NKIRAS1: variants seen among roughly 807,000 people sequenced by gnomAD.
NKIRAS1 encodes the protein NF-kappa-B inhibitor-interacting Ras-like protein 1.
A neutral mutation model predicts 19.8 loss-of-function variants in NKIRAS1; 16 were observed. The observed-to-expected ratio is 0.81, with a 90% CI of 0.55 to 1.23. The LOEUF is 1.23. Ranked by LOEUF, NKIRAS1 falls within the 50% of genes most tolerant of loss-of-function variation. The pLI, the probability that NKIRAS1 is intolerant of heterozygous loss-of-function variation, is 0.00. For missense variants in NKIRAS1, 184 were observed against 220.0 expected (o/e 0.84, Z 1.04); for synonymous variants, 88 against 79.0 (o/e 1.11, Z -0.61).
intron 1 of NKIRAS1, among the ~76,000 whole-genome samples, chr3:23,933,373 A>C (rs181211158): frequency 6.6e-6 from 1 of 152,308 alleles, no homozygotes; most frequent in East Asian, 1.9e-4. Flanking sequence ...TTTGTCCCCC[A>C]GGGACATTTG....
At chr3:23,904,717 T>C (rs1702850458) in intron 3 of NKIRAS1, among the ~76,000 whole-genome samples, 1 of 152,106 alleles carries the variant, frequency 6.6e-6, no homozygotes, top group African/African-American at 2.4e-5. Flanking sequence ...TTCTCAAAAG[T>C]AGCACTAGAA....
At chr3:23,913,307 C>G (rs983759458) in intron 1 of NKIRAS1, among the ~76,000 whole-genome samples, 6 of 152,154 alleles carry the variant, frequency 3.9e-5, no homozygotes, top group Admixed American at 3.9e-4. Flanking sequence ...GAATTTTAAG[C>G]ATTTTTTGGA....
At chr3:23,914,363 C>G (rs770584067) in intron 1 of NKIRAS1, among the ~76,000 whole-genome samples, 7 of 152,076 alleles carry the variant, frequency 4.6e-5, no homozygotes, top group Non-Finnish European at 8.8e-5. Flanking sequence ...AAAAACAATA[C>G]CAAAACACTG....
In NKIRAS1 at chr3:23,890,416, T is replaced by C; in HGVS notation, c.*2679A>G. 1 of 1,175,450 alleles carries C rather than the reference T, an allele frequency of 8.5e-7. No homozygotes were observed. Among genetic ancestry groups the C allele is most frequent in the Non-Finnish European group, 1.2e-6 (1 of 831,640 alleles). 72.8% of individuals were successfully genotyped at this position (1,175,450 alleles called of 1,614,324 possible). A position where few individuals can be genotyped will look rare whatever the true frequency, so the allele number is the denominator to read the frequency against. On this transcript the variant is annotated 3_prime_UTR_variant, in exon 5 of 5. Transcript: ENST00000425478. ...GAAGATGGGTTTGATCACACATACT[T>C]TGTCGTACGTATCTACCCAAGCTGT...
chr3:23,897,639 C>T lies in NKIRAS1; in HGVS notation c.336+3169G>A, dbSNP rs79068590. Among the ~76,000 whole-genome samples, 59 of 152,286 alleles carry T rather than the reference C, an allele frequency of 3.9e-4. 1 individual carries two copies. In the East Asian group the frequency reaches 0.011, roughly 28 times the overall value. On this transcript the variant is annotated intron_variant, in intron 4 of 4. Coordinates refer to ENST00000425478, the MANE Select transcript of NKIRAS1 (RefSeq NM_020345.4). The stretch of plus-strand genomic sequence containing the variant: ...CAAGCAAATTCCGACCTCAGATCCT[C>T]GGTACTAGCTATTCCCTCCACCTGG...
At chr3:23,918,669 C>A, upstream of NKIRAS1, 2 of 1,416,062 alleles carry the variant, frequency 1.4e-6, no homozygotes, top group Non-Finnish European at 9.6e-7. Flanking sequence ...CTTAGGTGAG[C>A]TGTCTCGTAT....
upstream of NKIRAS1, chr3:23,919,910 G>GTGT (rs1480212193): frequency 1.0e-6 from 1 of 991,408 alleles, no homozygotes; most frequent in African/African-American, 1.7e-5. Context: ...AGTTTGGCAG[G>GTGT]TGTAGACTTT....
chr3:23,890,688 G>C lies in NKIRAS1; in HGVS notation c.*2407C>G. On this transcript the variant is annotated 3_prime_UTR_variant, in exon 5 of 5. Coordinates refer to ENST00000425478, the MANE Select transcript of NKIRAS1 (RefSeq NM_020345.4). ...ATTTTGAAGGGGTCAGGGAGGGTGG[G>C]AGTTGGTAAAGAGTAGGGTATTTCT... is the stretch of plus-strand genomic sequence containing the variant. 1 of 1,089,208 alleles carries C rather than the reference G, an allele frequency of 9.2e-7. No homozygotes were observed. The highest frequency in any genetic ancestry group is 1.3e-6 in the Non-Finnish European group (1 of 755,536). The allele number at this position is 1,089,208 out of a possible 1,614,324, so 67.5% of individuals were successfully genotyped here. A position where few individuals can be genotyped will look rare whatever the true frequency, so the allele number is the denominator to read the frequency against.
intron 3 of NKIRAS1, among the ~76,000 whole-genome samples, chr3:23,907,356 G>C (rs1391159007): frequency 6.6e-6 from 1 of 152,030 alleles, no homozygotes; most frequent in Non-Finnish European, 1.5e-5. Flanking sequence ...AAGTTTCTGG[G>C]GGGACAAAAA....
chr3:23,893,116 C>T lies in NKIRAS1; in HGVS notation c.558G>A (p.Gly186=), dbSNP rs140262971. 32 of 1,572,222 alleles carry T rather than the reference C, an allele frequency of 2.0e-5. No individual in the cohort carries two copies. The East Asian group carries it at 3.2e-4, about 16-fold the overall frequency. The stretch of plus-strand genomic sequence containing the variant: ...ATTTTTAGTTCTCAGAATTAGAGTT[C>T]CCTTTGTTTTTCCTCCCAGGCAAAG... The part of the protein sequence containing the change: ...SFPLPGRKNK[G]NSNSEN The change falls in exon 5 of 5, where the codon GGG becomes GGA. Residue 186 remains glycine (G), a synonymous_variant. Coordinates refer to ENST00000425478, the MANE Select transcript of NKIRAS1 (RefSeq NM_020345.4).
intron 3 of NKIRAS1, among the ~76,000 whole-genome samples, chr3:23,908,997 C>T (rs1425169853): frequency 3.3e-5 from 5 of 152,062 alleles, no homozygotes; most frequent in Non-Finnish European, 7.4e-5. Context: ...CGCCTGGCCA[C>T]GGTTTTAATT....
rs555311854 is a variant in NKIRAS1, at chr3:23,933,691, G to A, written c.-140+12632C>T. 5.3e-5 allele frequency among the ~76,000 whole-genome samples: 8 copies of A among 152,232 alleles called. No homozygotes were observed. The South Asian group carries it at 6.2e-4, about 12-fold the overall frequency. On this transcript the variant is annotated intron_variant, in intron 1 of 4. Coordinates refer to the NKIRAS1 transcript ENST00000421515. Reference sequence around the variant, plus strand: ...CTTTTTTATACGTGCATTCTCAAGGGGGTAATATCACCCCTAAGGGGGTAA... The same window carrying A: ...CTTTTTTATACGTGCATTCTCAAGGAGGTAATATCACCCCTAAGGGGGTAA...
chr3:23,934,408 AT>A (rs1705361374), intron 1 of NKIRAS1, among the ~76,000 whole-genome samples: 1 of 152,196 alleles, frequency 6.6e-6, no homozygotes, highest in Non-Finnish European at 1.5e-5. Context: ...TCATAATGAT[AT>A]GTCTCTTGTG....
intron 1 of NKIRAS1, among the ~76,000 whole-genome samples, chr3:23,911,900 T>C (rs1046970269): frequency 2.0e-5 from 3 of 151,928 alleles, no homozygotes; most frequent in African/African-American, 7.3e-5. Flanking sequence ...GTAGCTGGGA[T>C]TACAGGTGCC....
chr3:23,928,879 C>G (rs1383560307), intron 1 of NKIRAS1, among the ~76,000 whole-genome samples: 2 of 151,584 alleles, frequency 1.3e-5, no homozygotes, highest in Non-Finnish European at 2.9e-5. Flanking sequence ...AGCCTGTAGT[C>G]CCAGCCACTT....
intron 1 of NKIRAS1, among the ~76,000 whole-genome samples, chr3:23,931,998 A>C (rs1705325949): frequency 6.6e-6 from 1 of 152,174 alleles, no homozygotes; most frequent in South Asian, 2.1e-4. Flanking sequence ...GAGATGTGGG[A>C]GAACTTTTGT....
intron 3 of NKIRAS1, among the ~76,000 whole-genome samples, chr3:23,908,116 G>C (rs541517763): frequency 6.6e-6 from 1 of 152,040 alleles, no homozygotes; most frequent in Non-Finnish European, 1.5e-5. Context: ...GATGAAATTG[G>C]TATTTCATCA....
intron 1 of NKIRAS1, among the ~76,000 whole-genome samples, chr3:23,929,706 T>C (rs527665250): frequency 6.6e-6 from 1 of 152,282 alleles, no homozygotes; most frequent in Admixed American, 6.5e-5. Flanking sequence ...CCTCTCAAAG[T>C]GCTGGGATTA....
At chr3:23,918,630 A>G, upstream of NKIRAS1, 1 of 1,576,090 alleles carries the variant, frequency 6.3e-7, no homozygotes, top group Non-Finnish European at 8.6e-7. Context: ...ATGGTGGGAG[A>G]GAGAGATTAA....
Sources: allele counts gnomAD v4.1 joint callset (sites outside exome capture counted in the v4.1 genomes callset), GRCh38; gene constraint gnomAD v4.1.1; transcripts MANE v1.5; gene names NCBI Gene and HGNC (gene_info 2026-07-23, HGNC 2026-07-21).